Variants in ANKFN1 observed in about 807,000 individuals in gnomAD.
ANKFN1 encodes ankyrin repeat and fibronectin type-III domain-containing protein 1.
ANKFN1 carries 74 observed loss-of-function variants against 108.7 expected under a neutral mutation model. The ratio of observed to expected loss-of-function variants is 0.68; its 90% confidence interval spans 0.56 to 0.83. The LOEUF (loss-of-function observed/expected upper bound fraction) is 0.83. Ranked by LOEUF, ANKFN1 falls within the 40% of genes least tolerant of loss-of-function variation. The pLI, the probability that ANKFN1 is intolerant of heterozygous loss-of-function variation, is 0.00. For missense variants in ANKFN1, 1,505 were observed against 1,382.3 expected (o/e 1.09, Z -1.41); for synonymous variants, 547 against 516.2 (o/e 1.06, Z -0.81).
At chr17:56,060,867 A>T (rs8078005) in intron 4 of ANKFN1, among the ~76,000 whole-genome samples, 123,399 of 152,224 alleles carry the variant, frequency 0.81, 50,490 homozygotes, top group African/African-American at 0.9. Flanking sequence ...TCGATGTTCA[A>T]CAGGGATATT....
intron 8 of ANKFN1, among the ~76,000 whole-genome samples, chr17:56,384,215 C>T (rs531090517): frequency 3.3e-5 from 5 of 152,278 alleles, no homozygotes; most frequent in Admixed American, 3.3e-4. Context: ...TAAACAGAAC[C>T]AAAGACGAAA....
intron 4 of ANKFN1, among the ~76,000 whole-genome samples, chr17:56,056,474 A>G (rs1244757532): frequency 6.6e-6 from 1 of 152,156 alleles, no homozygotes; most frequent in Non-Finnish European, 1.5e-5. Flanking sequence ...ATAAAAATAG[A>G]CACATAGATC....
chr17:56,455,197 C>A (rs2049642816), intron 11 of ANKFN1, among the ~76,000 whole-genome samples: 2 of 152,116 alleles, frequency 1.3e-5, no homozygotes, highest in South Asian at 4.1e-4. Flanking sequence ...ACTTTTGTCT[C>A]CTTTCCCATC....
chr17:56,304,672 T>A (rs928173129), intron 3 of ANKFN1, among the ~76,000 whole-genome samples: 7 of 152,176 alleles, frequency 4.6e-5, no homozygotes, highest in African/African-American at 1.4e-4. Context: ...CTTTTTTTTT[T>A]ATTTTAGTTA....
chr17:56,392,424 C>G (rs968291517), intron 8 of ANKFN1, among the ~76,000 whole-genome samples: 2 of 152,180 alleles, frequency 1.3e-5, no homozygotes, highest in East Asian at 3.8e-4. Context: ...GCTCTACCCC[C>G]ACAGGTCCCC....
rs539652343 is a variant in ANKFN1, at chr17:56,216,049, G to T, written c.12+3370G>T. Among the ~76,000 whole-genome samples, 33 of 152,162 alleles carry T rather than the reference G, an allele frequency of 2.2e-4. 1 individual carries two copies. Among genetic ancestry groups the T allele is most frequent in the Non-Finnish European group, 4.3e-4 (29 of 68,036 alleles). On this transcript the variant is annotated intron_variant, in intron 2 of 20. Transcript: ENST00000682825. ...AAGCCATTTACTCTCCTGTTAGAAG[G>T]GTTTTAGAGCAGCATCAATTGAGGT...
chr17:56,457,017 T>G, intron 12 of ANKFN1, 57 bp downstream of exon 12: 1 of 1,486,426 alleles, frequency 6.7e-7, no homozygotes, highest in East Asian at 2.3e-5. Context: ...GCACTGGTTT[T>G]GGTTCTGAGT....
chr17:56,281,840 G>T (rs2044091201), intron 3 of ANKFN1, among the ~76,000 whole-genome samples: 1 of 152,186 alleles, frequency 6.6e-6, no homozygotes, highest in Non-Finnish European at 1.5e-5. Flanking sequence ...AATACCAAAT[G>T]TTGGTAAAGA....
At chr17:56,062,573 T>TTTTTTTTTTTTTTTTTTTTTTTTTTTC (rs1555589520) in intron 4 of ANKFN1, among the ~76,000 whole-genome samples, 11 of 145,218 alleles carry the variant, frequency 7.6e-5, no homozygotes, top group African/African-American at 3.1e-4. Context: ...TTTTTTTTTT[T>TTTTTTTTTTTTTTTTTTTTTTTTTTTC]CTTTCCATTT....
At chr17:56,154,170 C>T (rs1357438399) in intron 1 of ANKFN1, among the ~76,000 whole-genome samples, 1 of 152,044 alleles carries the variant, frequency 6.6e-6, no homozygotes, top group East Asian at 1.9e-4. Context: ...TCCAGAAGAC[C>T]TCAAATGTGC....
chr17:56,320,785 T>C (rs963746062), intron 3 of ANKFN1, among the ~76,000 whole-genome samples: 1 of 152,066 alleles, frequency 6.6e-6, no homozygotes, highest in African/African-American at 2.4e-5. Context: ...TTTAAGAGAA[T>C]CCCGTTTCTC....
intron 18 of ANKFN1, among the ~76,000 whole-genome samples, chr17:56,488,533 C>T (rs2050928801): frequency 6.6e-6 from 1 of 152,160 alleles, no homozygotes; most frequent in African/African-American, 2.4e-5. Context: ...GGCAGTGAGC[C>T]TAATGAAATC....
At chr17:56,334,603 C>G (rs1452734660) in intron 4 of ANKFN1, among the ~76,000 whole-genome samples, 4 of 151,956 alleles carry the variant, frequency 2.6e-5, no homozygotes, top group African/African-American at 9.7e-5. Context: ...TCTGATATCC[C>G]TTTTTGGACA....
At chr17:56,505,056 C>T (rs2051508174) in intron 20 of ANKFN1, among the ~76,000 whole-genome samples, 1 of 152,084 alleles carries the variant, frequency 6.6e-6, no homozygotes, top group African/African-American at 2.4e-5. Context: ...ATGATTTGCT[C>T]AAGATCATAT....
chr17:56,354,665 C>A lies in ANKFN1; in HGVS notation c.601+619C>A, dbSNP rs137959338. Among the ~76,000 whole-genome samples the A allele has an allele frequency of 2.1e-3, 322 of 152,248 alleles. 2 individuals are homozygous for A. The highest frequency in any genetic ancestry group is 7.4e-3 in the African/African-American group (306 of 41,562). On this transcript the variant is annotated intron_variant, in intron 6 of 20. Coordinates refer to ENST00000682825, the MANE Select transcript of ANKFN1 (RefSeq NM_001370326.1). ...GGGACTATTTTAAATAGGGTTGATA[C>A]CCATTGACCAATCTCTCACAATCCC...
chr17:56,062,871 T>C (rs1458355284), intron 4 of ANKFN1, among the ~76,000 whole-genome samples: 1 of 152,218 alleles, frequency 6.6e-6, no homozygotes, highest in Non-Finnish European at 1.5e-5. Context: ...TACTGGTTTT[T>C]CCTTTCTATA....
chr17:56,477,564 G>C lies in ANKFN1; in HGVS notation c.1850G>C (p.Ser617Thr). 2 of 1,612,972 alleles carry C rather than the reference G, an allele frequency of 1.2e-6. No individual in the cohort carries two copies. Among genetic ancestry groups the C allele is most frequent in the Non-Finnish European group, 1.7e-6 (2 of 1,179,712 alleles). Residue 617 changes from serine (S) to threonine (T), a missense_variant, in exon 16 of 21, where the codon AGC (serine) becomes ACC (threonine). By Grantham distance (58) the Ser-to-Thr change is moderately conservative. Coordinates refer to ENST00000682825, the MANE Select transcript of ANKFN1 (RefSeq NM_001370326.1). The part of the protein sequence containing the change: ...GLYLGYLKLC[S>T]SVDQIKVLVT... ...TATCTGGGTTACCTAAAGCTCTGTA[G>C]CTCTGTGGATCAAATCAAAGTTCTT...
chr17:56,261,944 C>A (rs2043521882), intron 3 of ANKFN1, among the ~76,000 whole-genome samples: 1 of 152,202 alleles, frequency 6.6e-6, no homozygotes, highest in Non-Finnish European at 1.5e-5. Context: ...TAGAGAAGAC[C>A]ATTTCTCCCT....
At chr17:56,208,423 C>G (rs143084805) in intron 1 of ANKFN1, among the ~76,000 whole-genome samples, 137 of 152,248 alleles carry the variant, frequency 9.0e-4, no homozygotes, top group African/African-American at 3.2e-3. Context: ...AACTTCACCC[C>G]CTCCCTGCCC....
Sources: allele counts gnomAD v4.1 joint callset (sites outside exome capture counted in the v4.1 genomes callset), GRCh38; gene constraint gnomAD v4.1.1; transcripts MANE v1.5; gene names NCBI Gene and HGNC (gene_info 2026-07-23, HGNC 2026-07-21).